The following PGR variants were observed in gnomAD, a reference collection of about 807,000 sequenced individuals.
The protein encoded by PGR is progesterone receptor.
PGR carries 25 observed loss-of-function variants against 76.1 expected under a neutral mutation model. The observed-to-expected ratio is 0.33, with a 90% confidence interval of 0.24 to 0.46. The LOEUF is 0.46. Ranked by LOEUF, PGR falls within the 20% of genes least tolerant of loss-of-function variation. The pLI is 1.00. For missense variants in PGR, 1,172 were observed against 1,225.3 expected (o/e 0.96, Z 0.65); for synonymous variants, 579 against 535.0 (o/e 1.08, Z -1.14).
chr11:101,100,130 TCCC>T (rs966753940), intron 2 of PGR, among the ~76,000 whole-genome samples: 1 of 152,030 alleles, frequency 6.6e-6, no homozygotes, highest in Non-Finnish European at 1.5e-5. Flanking sequence ...AATCCCATAA[TCCC>T]CCCATGTTGT....
chr11:101,069,361 C>T (rs531987579), intron 3 of PGR, among the ~76,000 whole-genome samples: 1 of 152,152 alleles, frequency 6.6e-6, no homozygotes, highest in Non-Finnish European at 1.5e-5. Flanking sequence ...CAGGAAACAA[C>T]AGATGCTGGA....
At chr11:101,109,088 ATG>A (rs1862265952) in intron 2 of PGR, among the ~76,000 whole-genome samples, 2 of 152,278 alleles carry the variant, frequency 1.3e-5, no homozygotes, top group Non-Finnish European at 2.9e-5. Flanking sequence ...TAACTGATAA[ATG>A]TGTGTGTTCA....
At chr11:101,104,733 C>T (rs1862098061) in intron 2 of PGR, among the ~76,000 whole-genome samples, 1 of 152,168 alleles carries the variant, frequency 6.6e-6, no homozygotes, top group Non-Finnish European at 1.5e-5. Context: ...TCTTGCTTCT[C>T]AGATACTGCT....
intron 2 of PGR, among the ~76,000 whole-genome samples, chr11:101,095,062 T>A (rs1424295894): frequency 6.6e-6 from 1 of 152,232 alleles, no homozygotes; most frequent in Non-Finnish European, 1.5e-5. Flanking sequence ...TCTGTATTTA[T>A]AAACTACCCA....
intron 2 of PGR, among the ~76,000 whole-genome samples, chr11:101,096,685 C>T (rs184436771): frequency 1.3e-5 from 2 of 152,320 alleles, no homozygotes; most frequent in East Asian, 3.9e-4. Context: ...AACATAACAT[C>T]AGTTGCTACC....
At chr11:101,049,867 G>A (rs2135391859) in intron 6 of PGR, 62 bp downstream of exon 6, 9 of 1,416,454 alleles carry the variant, frequency 6.4e-6, no homozygotes, top group Admixed American at 1.7e-5. Context: ...CATATTGTTT[G>A]CAACTTTTCT....
At chr11:101,099,080 G>C (rs1176841861) in intron 2 of PGR, among the ~76,000 whole-genome samples, 3 of 152,180 alleles carry the variant, frequency 2.0e-5, no homozygotes, top group Non-Finnish European at 2.9e-5. Context: ...GTAGGGACAG[G>C]TGTGTCCACA....
intron 3 of PGR, among the ~76,000 whole-genome samples, chr11:101,064,388 A>G (rs1020623745): frequency 6.9e-6 from 1 of 144,192 alleles, no homozygotes; most frequent in Non-Finnish European, 1.5e-5. Flanking sequence ...CAACGAGTTG[A>G]GCTAAAACTT....
chr11:101,034,472 G>A lies in PGR; in HGVS notation c.*4644C>T, dbSNP rs930193724. 2 of 181,380 alleles carry A rather than the reference G, an allele frequency of 1.1e-5. No individual in the cohort carries two copies. The highest frequency in any genetic ancestry group is 2.0e-4 in the South Asian group (1 of 5,072). 11.2% of individuals were successfully genotyped at this position (181,380 alleles called of 1,614,324 possible). A position where few individuals can be genotyped will look rare whatever the true frequency, so the allele number is the denominator to read the frequency against. ...AGAAGGTATGTATTGAATAATTTCT[G>A]CCATGAACAGCTGCTGTGTTTAACT... On this transcript the variant is annotated 3_prime_UTR_variant, in exon 8 of 8. Coordinates refer to ENST00000325455, the MANE Select transcript of PGR (RefSeq NM_000926.4).
intron 4 of PGR, among the ~76,000 whole-genome samples, chr11:101,059,842 C>CAAAAAAAAAAAAAAAAAAAAAAA (rs781123527): frequency 1.4e-4 from 9 of 62,770 alleles, no homozygotes; most frequent in East Asian, 4.1e-4. Flanking sequence ...GACCCTCTCT[C>CAAAAAAAAAAAAAAAAAAAAAAA]AAAAAAAAAA....
chr11:101,129,607 A>T lies in PGR; in HGVS notation c.-537T>A, dbSNP rs1050527333. 1 of 183,616 alleles carries T rather than the reference A, an allele frequency of 5.4e-6. No individual in the cohort carries two copies. The highest frequency in any genetic ancestry group is 1.2e-5 in the Non-Finnish European group (1 of 86,640). 11.4% of individuals were successfully genotyped at this position (183,616 alleles called of 1,614,324 possible). Reference sequence around the variant, plus strand: ...CTAGTCGGACCTCTCGGTACAGCCCATTCCCAGGAAGGGTCGGACTTCTGC... The same window carrying T: ...CTAGTCGGACCTCTCGGTACAGCCCTTTCCCAGGAAGGGTCGGACTTCTGC... On this transcript the variant is annotated 5_prime_UTR_variant, in exon 1 of 8. It removes an upstream start codon present in the reference 5' UTR. Coordinates refer to ENST00000325455, the MANE Select transcript of PGR (RefSeq NM_000926.4).
rs1431423773 is a variant in PGR, at chr11:101,034,614, C to T, written c.*4502G>A. 2.3e-5 allele frequency: 4 copies of T among 171,628 alleles called. No homozygotes were observed. The highest frequency in any genetic ancestry group is 9.5e-5 in the African/African-American group (4 of 42,138). The allele number at this position is 171,628 out of a possible 1,614,324, so 10.6% of individuals were successfully genotyped here. A position where few individuals can be genotyped will look rare whatever the true frequency, so the allele number is the denominator to read the frequency against. The stretch of plus-strand genomic sequence containing the variant: ...TTTTAAGGCCACATTGATTCTAGGC[C>T]GAACTTTAGAAGTGTAGGTTCTATT... On this transcript the variant is annotated 3_prime_UTR_variant, in exon 8 of 8. Coordinates refer to ENST00000325455, the MANE Select transcript of PGR (RefSeq NM_000926.4).
chr11:101,118,076 C>T lies in PGR; in HGVS notation c.1789+7931G>A, dbSNP rs990752152. 3.9e-5 allele frequency among the ~76,000 whole-genome samples: 6 copies of T among 152,336 alleles called. No individual in the cohort carries two copies. In the East Asian group the frequency reaches 9.6e-4, roughly 24 times the overall value. ...TGCAGTGTTGTCTGTTAATCACTCA[C>T]TTCCACACACACACTGCAGGCTCCT... is the stretch of plus-strand genomic sequence containing the variant. On this transcript the variant is annotated intron_variant, in intron 2 of 7. Coordinates refer to ENST00000325455, the MANE Select transcript of PGR (RefSeq NM_000926.4).
Position 101,128,668 on chromosome 11 carries a change from C to T in PGR, c.403G>A (p.Glu135Lys), listed in dbSNP as rs1311841905. The change falls in exon 1 of 8, where the codon GAG (glutamate) becomes AAG (lysine). Residue 135 changes from glutamate to lysine, a missense_variant. Around this residue, in one of 4 missense-constraint regions of PGR, gnomAD observed 893 missense variants for 785.9 expected, o/e 1.14. Coordinates refer to ENST00000325455, the MANE Select transcript of PGR (RefSeq NM_000926.4). ...GQSQPSPPACEVTSSWCLFGP... is the reference protein window; with the variant it reads ...GQSQPSPPACKVTSSWCLFGP... Reference sequence around the variant, plus strand: ...AACAGGCACCAAGAGCTGGTGACCTCGCAGGCGGGAGGGCTGGGTTGGCTC... The same window carrying T: ...AACAGGCACCAAGAGCTGGTGACCTTGCAGGCGGGAGGGCTGGGTTGGCTC... The T allele has an allele frequency of 3.1e-6, 5 of 1,596,604 alleles. No individual in the cohort carries two copies. Among genetic ancestry groups the T allele is most frequent in the East Asian group, 4.5e-5 (2 of 44,362 alleles).
At chr11:101,068,537 C>T (rs1391491930) in intron 3 of PGR, among the ~76,000 whole-genome samples, 7 of 151,910 alleles carry the variant, frequency 4.6e-5, no homozygotes, top group Admixed American at 2.6e-4. Context: ...TCATATGGAA[C>T]CAAAAAAGAG....
In PGR at chr11:101,034,415, G is replaced by A. The variant is rs1859444470; in HGVS notation, c.*4701C>T. On this transcript the variant is annotated 3_prime_UTR_variant, in exon 8 of 8. Transcript: ENST00000325455. ...CAAGGAGGAGAACAAACCCCTTGGT[G>A]TTTTTCTTTGCTTTGGTTATAGGAT... 1 of 195,648 alleles carries A rather than the reference G, an allele frequency of 5.1e-6. No individual in the cohort carries two copies. Among genetic ancestry groups the A allele is most frequent in the African/African-American group, 2.3e-5 (1 of 43,182 alleles). 12.1% of individuals were successfully genotyped at this position (195,648 alleles called of 1,614,324 possible).
intron 2 of PGR, among the ~76,000 whole-genome samples, chr11:101,100,831 T>C (rs974484795): frequency 6.6e-6 from 1 of 152,068 alleles, no homozygotes. Context: ...TAACATCCCA[T>C]AATGCACAGG....
At chr11:101,112,520 G>T (rs913882037) in intron 2 of PGR, among the ~76,000 whole-genome samples, 1 of 152,092 alleles carries the variant, frequency 6.6e-6, no homozygotes, top group Non-Finnish European at 1.5e-5. Flanking sequence ...ACAGATGGTG[G>T]TAGCAATTTC....
rs922101332 is a variant in PGR, at chr11:101,037,624, C to T, written c.*1492G>A. 4 of 226,456 alleles carry T rather than the reference C, an allele frequency of 1.8e-5. No homozygotes were observed. The highest frequency in any genetic ancestry group is 6.7e-5 in the African/African-American group (3 of 44,906). 14.0% of individuals were successfully genotyped at this position (226,456 alleles called of 1,614,324 possible). A position where few individuals can be genotyped will look rare whatever the true frequency, so the allele number is the denominator to read the frequency against. On this transcript the variant is annotated 3_prime_UTR_variant, in exon 8 of 8. Transcript: ENST00000325455. ...TATTGTCCTTAAGACACATAAAATA[C>T]ACTTCTATTCTTCTATGTTATAGTC...
Sources: gnomAD v4.1 joint callset for allele counts (sites outside exome capture counted in the v4.1 genomes callset) on GRCh38, gnomAD v4.1.1 for gene constraint, gnomAD v4.1.1 regional missense constraint, MANE v1.5 for transcripts, NCBI Gene and HGNC (gene_info 2026-07-23, HGNC 2026-07-21) for gene names.